Variants in PHF20 observed in about 807,000 individuals in gnomAD.
PHF20 encodes PHD finger protein 20, also known as glioma-expressed antigen 2.
Under a neutral mutation model 113.5 loss-of-function variants are expected in PHF20, and 23 were observed. The ratio of observed to expected loss-of-function variants is 0.20; its 90% confidence interval spans 0.15 to 0.29. The LOEUF is 0.29. Among genes scored for constraint, PHF20 ranks in the 10% least tolerant of loss-of-function variants. The pLI is 1.00. For missense variants in PHF20, 943 were observed against 1,219.6 expected (o/e 0.77, Z 3.38); for synonymous variants, 434 against 457.3 (o/e 0.95, Z 0.65).
chr20:35,820,445 C>CTT lies in PHF20; in HGVS notation c.83+18858_83+18859dup, dbSNP rs369532387. Among the ~76,000 whole-genome samples the CTT allele has an allele frequency of 9.8e-3, 1,264 of 129,620 alleles. 18 individuals are homozygous for CTT. The highest frequency in any genetic ancestry group is 0.038 in the East Asian group (172 of 4,580). The allele number at this position is 129,620 out of a possible 152,430, so 85.0% of individuals were successfully genotyped here. ...TAAATGCTAGAAAGTGGAATAAGTA[C>CTT]TTTTTTTTTTTTTTTTTTTGTGAGA... On this transcript the variant is annotated intron_variant, in intron 2 of 17. Coordinates refer to ENST00000374012, the MANE Select transcript of PHF20 (RefSeq NM_016436.5).
At chr20:35,925,743 A>C (rs2055616979) in intron 13 of PHF20, among the ~76,000 whole-genome samples, 1 of 150,408 alleles carries the variant, frequency 6.6e-6, no homozygotes, top group African/African-American at 2.4e-5. Flanking sequence ...GGTTATTCTT[A>C]GGTATTTTAT....
chr20:35,836,773 C>T (rs574771992), intron 2 of PHF20, among the ~76,000 whole-genome samples: 2 of 141,684 alleles, frequency 1.4e-5, no homozygotes, highest in African/African-American at 5.3e-5. Flanking sequence ...GAACCCCCGG[C>T]GGGGCAGAGC....
chr20:35,824,099 C>T (rs1334691515), intron 2 of PHF20, among the ~76,000 whole-genome samples: 1 of 152,102 alleles, frequency 6.6e-6, no homozygotes, highest in Non-Finnish European at 1.5e-5. Flanking sequence ...AGCTGGATTG[C>T]TGGGTCATGT....
At chr20:35,832,863 C>G (rs1228689665) in intron 2 of PHF20, among the ~76,000 whole-genome samples, 1 of 152,014 alleles carries the variant, frequency 6.6e-6, no homozygotes, top group African/African-American at 2.4e-5. Context: ...GCCTGGCCAA[C>G]ATAGTGAAAC....
intron 2 of PHF20, among the ~76,000 whole-genome samples, chr20:35,826,477 A>G (rs2042264036): frequency 6.6e-6 from 1 of 152,198 alleles, no homozygotes; most frequent in South Asian, 2.1e-4. Context: ...GATGAGGAAG[A>G]GAGTCGCCAG....
At chr20:35,933,306 C>T (rs574277614) in intron 15 of PHF20, among the ~76,000 whole-genome samples, 2 of 149,500 alleles carry the variant, frequency 1.3e-5, no homozygotes, top group East Asian at 4.0e-4. Context: ...GATCTTGGCT[C>T]ACTGCTACCT....
intron 17 of PHF20, among the ~76,000 whole-genome samples, chr20:35,946,955 G>T (rs796577017): frequency 6.6e-6 from 1 of 152,056 alleles, no homozygotes; most frequent in Non-Finnish European, 1.5e-5. Context: ...TGATCTGCCC[G>T]CCTCGACCTC....
intron 14 of PHF20, chr20:35,928,540 A>T (rs1157411680): frequency 6.6e-6 from 1 of 151,996 alleles, no homozygotes; most frequent in Non-Finnish European, 1.5e-5. Context: ...GATCTCCAGA[A>T]CTTTCATCCT....
At chr20:35,792,354 A>AT in intron 1 of PHF20, among the ~76,000 whole-genome samples, 1 of 137,744 alleles carries the variant, frequency 7.3e-6, no homozygotes, top group Non-Finnish European at 1.6e-5. Flanking sequence ...CGCCCGGCTA[A>AT]TTTTTTGTAT....
At position 35,871,914 on chromosome 20, in the gene PHF20, CTGT is replaced by C. The variant is rs946872484; in HGVS notation, c.1282+93_1282+95del. 1.6e-4 allele frequency: 155 copies of C among 967,416 alleles called. 1 individual carries two copies. In the African/African-American group the frequency reaches 1.8e-3, roughly 11 times the overall value. The allele number at this position is 967,416 out of a possible 1,614,324, so 59.9% of individuals were successfully genotyped here. ...AACTAAAAAAAAAAAAATGACTTTT[CTGT>C]TGTTGTTTTTCACCTTTTATTAATA... On this transcript the variant is annotated intron_variant, in intron 9 of 17. Transcript: ENST00000374012.
At chr20:35,831,776 A>G (rs1401375227) in intron 2 of PHF20, among the ~76,000 whole-genome samples, 1 of 152,206 alleles carries the variant, frequency 6.6e-6, no homozygotes, top group Non-Finnish European at 1.5e-5. Context: ...TCTTGATTAT[A>G]TGGTGGTCAT....
At chr20:35,874,171 T>C (rs972991426) in intron 9 of PHF20, among the ~76,000 whole-genome samples, 1 of 152,170 alleles carries the variant, frequency 6.6e-6, no homozygotes, top group Non-Finnish European at 1.5e-5. Context: ...AGATGGGGTT[T>C]CACCATGTTG....
At chr20:35,931,966 T>C (rs1274131867) in intron 15 of PHF20, among the ~76,000 whole-genome samples, 2 of 150,872 alleles carry the variant, frequency 1.3e-5, no homozygotes, top group Non-Finnish European at 1.5e-5. Context: ...AAAAAAAGAG[T>C]TCATTGAATT....
At chr20:35,932,391 G>T in intron 15 of PHF20, among the ~76,000 whole-genome samples, 1 of 144,822 alleles carries the variant, frequency 6.9e-6, no homozygotes, top group East Asian at 2.2e-4. Flanking sequence ...TTTAATTGCT[G>T]TAAGATATAC....
chr20:35,846,635 G>A (rs957170735), intron 3 of PHF20, among the ~76,000 whole-genome samples: 2 of 152,166 alleles, frequency 1.3e-5, no homozygotes, highest in South Asian at 2.1e-4. Context: ...TACTGGATGT[G>A]TATTCTAGTA....
chr20:35,816,617 T>C (rs1271879822), intron 2 of PHF20, among the ~76,000 whole-genome samples: 1 of 151,896 alleles, frequency 6.6e-6, no homozygotes, highest in Non-Finnish European at 1.5e-5. Flanking sequence ...ACCCAGCTAA[T>C]TTTATTTTGT....
chr20:35,796,812 A>G (rs1161296150), intron 1 of PHF20, among the ~76,000 whole-genome samples: 1 of 152,164 alleles, frequency 6.6e-6, no homozygotes, highest in African/African-American at 2.4e-5. Context: ...GTTACTTTTG[A>G]TAAGAGGGAT....
chr20:35,799,253 A>T (rs1408590555), intron 1 of PHF20, among the ~76,000 whole-genome samples: 1 of 127,098 alleles, frequency 7.9e-6, no homozygotes, highest in Non-Finnish European at 1.6e-5. Flanking sequence ...TGAACCCAGG[A>T]GTTTGAGATC....
At position 35,939,348 on chromosome 20, in the gene PHF20, G is replaced by A. The variant is rs189801394; in HGVS notation, c.2712+240G>A. Among the ~76,000 whole-genome samples, 244 of 152,204 alleles carry A rather than the reference G, an allele frequency of 1.6e-3. 1 individual carries two copies. The highest frequency in any genetic ancestry group is 4.3e-3 in the African/African-American group (179 of 41,520). ...ATAGTCAAGTGTGGCACGTGGGGTGGGGGGCGCGGGTGCAGAGGGAGGGAG... is the reference window on the plus strand; with the variant it reads ...ATAGTCAAGTGTGGCACGTGGGGTGAGGGGCGCGGGTGCAGAGGGAGGGAG... On this transcript the variant is annotated intron_variant, in intron 16 of 17. Coordinates refer to ENST00000374012, the MANE Select transcript of PHF20 (RefSeq NM_016436.5).
Sources: gnomAD v4.1 joint callset for allele counts (sites outside exome capture counted in the v4.1 genomes callset) on GRCh38, gnomAD v4.1.1 for gene constraint, MANE v1.5 for transcripts, NCBI Gene and HGNC (gene_info 2026-07-23, HGNC 2026-07-21) for gene names.